The following CRISPLD1 variants were observed in gnomAD, a reference collection of about 807,000 sequenced individuals.
CRISPLD1 encodes the protein cysteine-rich secretory protein LCCL domain-containing 1.
Under a neutral mutation model 77.5 loss-of-function variants are expected in CRISPLD1, and 60 were observed. The observed-to-expected ratio is 0.77, with a 90% CI of 0.63 to 0.96. CRISPLD1 has a LOEUF of 0.96. Ranked by LOEUF, CRISPLD1 falls within the 40% of genes least tolerant of loss-of-function variation. The pLI is 0.00. For synonymous variants in CRISPLD1, 195 were observed against 200.1 expected (o/e 0.97, Z 0.22); for missense variants, 623 against 615.8 (o/e 1.01, Z -0.12).
At chr8:74,988,768 A>G (rs1812530989) in intron 2 of CRISPLD1, among the ~76,000 whole-genome samples, 1 of 151,986 alleles carries the variant, frequency 6.6e-6, no homozygotes, top group Admixed American at 6.6e-5. Context: ...CCAGGAGGGG[A>G]AGGTTGTAGT....
At chr8:74,994,608 C>T (rs981864125) in intron 2 of CRISPLD1, among the ~76,000 whole-genome samples, 1 of 152,176 alleles carries the variant, frequency 6.6e-6, no homozygotes, top group Admixed American at 6.5e-5. Flanking sequence ...GGGATAGATA[C>T]GCCTGCTGTT....
intron 2 of CRISPLD1, among the ~76,000 whole-genome samples, chr8:74,993,901 G>T (rs1812610971): frequency 6.6e-6 from 1 of 152,214 alleles, no homozygotes. Flanking sequence ...TCTCCAGACA[G>T]CCAGGGTGCC....
At position 75,014,122 on chromosome 8, in the gene CRISPLD1, C is replaced by T. The variant is rs759773575; in HGVS notation, c.626+20C>T. The T allele has an allele frequency of 9.9e-6, 14 of 1,407,152 alleles. No homozygotes were observed. The highest frequency in any genetic ancestry group is 1.2e-5 in the Non-Finnish European group (12 of 993,142). 87.2% of individuals were successfully genotyped at this position (1,407,152 alleles called of 1,614,324 possible). Reference sequence around the variant, plus strand: ...CCCAAAGTGAGTAGACAAAACACTACGTTCAGATGTACATTTTTCTTAACA... The same window carrying T: ...CCCAAAGTGAGTAGACAAAACACTATGTTCAGATGTACATTTTTCTTAACA... On this transcript the variant is annotated intron_variant, in intron 5 of 14. Coordinates refer to ENST00000262207, the MANE Select transcript of CRISPLD1 (RefSeq NM_031461.6).
chr8:75,003,294 A>C (rs567044469), intron 2 of CRISPLD1, among the ~76,000 whole-genome samples: 1 of 152,322 alleles, frequency 6.6e-6, no homozygotes, highest in Non-Finnish European at 1.5e-5. Flanking sequence ...CAAATTGTAG[A>C]TTTCAGTTTC....
rs537782603 is a variant in CRISPLD1, at chr8:74,986,379, C to T, written c.258+134C>T. The T allele has an allele frequency of 2.2e-4, 200 of 910,270 alleles. 3 individuals are homozygous for T. The South Asian group carries it at 3.3e-3, about 15-fold the overall frequency. 56.4% of individuals were successfully genotyped at this position (910,270 alleles called of 1,614,324 possible). On this transcript the variant is annotated intron_variant, in intron 2 of 14. Transcript: ENST00000262207. The stretch of plus-strand genomic sequence containing the variant: ...AGATTTTCTTTGAGGGTATTTTCCT[C>T]TGCATATTCGTTTATTAATGTTCCT...
At chr8:75,024,211 G>A (rs1813193417) in intron 12 of CRISPLD1, among the ~76,000 whole-genome samples, 2 of 152,230 alleles carry the variant, frequency 1.3e-5, no homozygotes, top group South Asian at 4.1e-4. Flanking sequence ...GAGGATAGAA[G>A]ATGCAGGGCT....
chr8:75,009,378 G>A (rs115261468), intron 2 of CRISPLD1, among the ~76,000 whole-genome samples: 38 of 151,950 alleles, frequency 2.5e-4, no homozygotes, highest in African/African-American at 8.9e-4. Context: ...AGCTACCGAA[G>A]TCTCCCAGCC....
In CRISPLD1 at chr8:75,017,381, TAG is replaced by T. The variant is rs754819399; in HGVS notation, c.1060_1061del (p.Asp354TyrfsTer3). ...ATAATAGACAATGATGGTGGCTGGG[TAG>T]ATATCACTAGACAAGGAAGAAAGCA... is the stretch of plus-strand genomic sequence containing the variant. On this transcript the variant is annotated frameshift_variant, in exon 10 of 15. Transcript: ENST00000262207. LOFTEE classifies it high-confidence loss of function. 6.2e-7 allele frequency: 1 copy of T among 1,610,826 alleles called. No individual in the cohort carries two copies. Among genetic ancestry groups the T allele is most frequent in the Non-Finnish European group, 8.5e-7 (1 of 1,178,210 alleles).
At chr8:75,025,937 A>G (rs1173013440) in intron 13 of CRISPLD1, among the ~76,000 whole-genome samples, 1 of 152,172 alleles carries the variant, frequency 6.6e-6, no homozygotes. Flanking sequence ...TTAGTATTTG[A>G]AGTCTGAACT....
chr8:75,033,727 A>T lies in CRISPLD1; in HGVS notation c.*1485A>T, dbSNP rs142896285. 1 of 152,038 alleles carries T rather than the reference A, an allele frequency of 6.6e-6. No homozygotes were observed. The highest frequency in any genetic ancestry group is 2.4e-5 in the African/African-American group (1 of 41,448). 9.4% of individuals were successfully genotyped at this position (152,038 alleles called of 1,614,324 possible). On this transcript the variant is annotated 3_prime_UTR_variant, in exon 15 of 15. Coordinates refer to ENST00000262207, the MANE Select transcript of CRISPLD1 (RefSeq NM_031461.6). ...AAAGAAAAAGAAGAAGGTTCACATA[A>T]ATAGCTTCTGGAGTGCAAATTATAA...
At chr8:75,030,680 ATGTGTGTGTG>A (rs34737814) in intron 14 of CRISPLD1, among the ~76,000 whole-genome samples, 1 of 146,466 alleles carries the variant, frequency 6.8e-6, no homozygotes, top group Non-Finnish European at 1.5e-5. Flanking sequence ...CCGGAGATAT[ATGTGTGTGTG>A]TGTGTGTGTG....
chr8:75,025,567 T>C lies in CRISPLD1; in HGVS notation c.1266T>C (p.Cys422=). Residue 422 remains cysteine (C), a synonymous_variant, in exon 13 of 15, where the codon TGT becomes TGC. Transcript: ENST00000262207. Reference sequence around the variant, plus strand: ...TCAGAGTATACTGTCCTCGTAACTGTATGCAAGCAAATCCACATTATGCTC... The same window carrying C: ...TCAGAGTATACTGTCCTCGTAACTGCATGCAAGCAAATCCACATTATGCTC... ...HCPRVYCPRN[C]MQANPHYARV... is the part of the protein sequence containing the mutation. 6.3e-7 allele frequency: 1 copy of C among 1,579,766 alleles called. No homozygotes were observed. The highest frequency in any genetic ancestry group is 8.7e-7 in the Non-Finnish European group (1 of 1,151,390).
At chr8:75,025,436 G>A (rs1813214831) in intron 12 of CRISPLD1, 110 bp from the exon 13 acceptor site, 1 of 328,554 alleles carries the variant, frequency 3.0e-6, no homozygotes, top group African/African-American at 2.2e-5. Context: ...AAATGAGTAG[G>A]GTTTAGAATG....
At chr8:74,985,809 T>C (rs1812486280) in intron 1 of CRISPLD1, 117 bp from the exon 2 acceptor site, 1 of 696,926 alleles carries the variant, frequency 1.4e-6, no homozygotes, top group Admixed American at 2.5e-5. Flanking sequence ...CATTTTCTGC[T>C]GTTAAATAGA....
intron 14 of CRISPLD1, among the ~76,000 whole-genome samples, chr8:75,030,780 GAC>G: frequency 2.2e-5 from 3 of 134,460 alleles, no homozygotes; most frequent in Admixed American, 1.4e-4. Flanking sequence ...ATATGTGTGT[GAC>G]TGTATATATG....
intron 13 of CRISPLD1, chr8:75,026,629 A>T (rs1813241098): frequency 6.6e-6 from 1 of 152,198 alleles, no homozygotes; most frequent in Non-Finnish European, 1.5e-5. Context: ...AAACACTTAG[A>T]AACCATTACA....
chr8:75,029,064 A>G (rs1813284720), intron 13 of CRISPLD1, among the ~76,000 whole-genome samples: 2 of 152,174 alleles, frequency 1.3e-5, no homozygotes, highest in African/African-American at 2.4e-5. Flanking sequence ...TAGAAGAGAT[A>G]AAAGAAGCTA....
Position 75,016,717 on chromosome 8 carries a change from A to C in CRISPLD1, c.868+12A>C. 6.3e-7 allele frequency: 1 copy of C among 1,594,838 alleles called. No homozygotes were observed. The highest frequency in any genetic ancestry group is 2.2e-5 in the East Asian group (1 of 44,718). On this transcript the variant is annotated intron_variant, in intron 7 of 14. Coordinates refer to ENST00000262207, the MANE Select transcript of CRISPLD1 (RefSeq NM_031461.6). ...CGCACAGCAAATGTGTAAGACCTCC[A>C]TATTACTTATAAAAATTTTCAAAGT... is the stretch of plus-strand genomic sequence containing the variant.
At chr8:75,000,480 C>T in intron 2 of CRISPLD1, 1 of 958,146 alleles carries the variant, frequency 1.0e-6, no homozygotes, top group Non-Finnish European at 1.2e-6. Context: ...TTCCGTATGC[C>T]TTGAGATTTT....
Sources: gnomAD v4.1 joint callset for allele counts (sites outside exome capture counted in the v4.1 genomes callset) on GRCh38, gnomAD v4.1.1 for gene constraint, MANE v1.5 for transcripts, NCBI Gene and HGNC (gene_info 2026-07-23, HGNC 2026-07-21) for gene names.